PLB1: variants seen among roughly 807,000 people sequenced by gnomAD.
PLB1 encodes the protein phospholipase B1, membrane-associated.
Under a neutral mutation model 227.4 loss-of-function variants are expected in PLB1, and 242 were observed. The observed-to-expected ratio is 1.06, with a 90% confidence interval of 0.96 to 1.18. The LOEUF (loss-of-function observed/expected upper bound fraction) is 1.18, where lower values mean the gene tolerates loss of function less well. Ranked by LOEUF, PLB1 falls within the 50% of genes most tolerant of loss-of-function variation. PLB1 has a pLI of 0.00. For missense variants in PLB1, 1,858 were observed against 1,816.3 expected, an observed-to-expected ratio of 1.02 and a Z score of -0.42; for synonymous variants, 757 against 682.2, an observed-to-expected ratio of 1.11 and a Z score of -1.71.
At chr2:28,564,051 G>A (rs1378702533) in intron 18 of PLB1, among the ~76,000 whole-genome samples, 1 of 152,004 alleles carries the variant, frequency 6.6e-6, no homozygotes, top group Non-Finnish European at 1.5e-5. Flanking sequence ...GTGAGCCTGG[G>A]CAATGTAGCA....
rs1354189200 is a variant in PLB1 at position 28,532,351 on chromosome 2, T to C, written c.555+157T>C. Among the ~76,000 whole-genome samples the C allele has an allele frequency of 4.6e-5, 7 of 152,288 alleles. No individual in the cohort carries two copies. In the South Asian group the frequency reaches 8.3e-4, roughly 18 times the overall value. Reference sequence around the variant, plus strand: ...ATGGATGGATGGATGGATGGATAGATGGATGGATGGGCAGACAGACAGACA... The same window carrying C: ...ATGGATGGATGGATGGATGGATAGACGGATGGATGGGCAGACAGACAGACA... On this transcript the variant is annotated intron_variant, in intron 9 of 57. Transcript: ENST00000327757.
At chr2:28,634,267 G>A (rs577576229) in intron 56 of PLB1, among the ~76,000 whole-genome samples, 34 of 152,178 alleles carry the variant, frequency 2.2e-4, no homozygotes, top group Non-Finnish European at 5.0e-4. Flanking sequence ...TTTGCCCCAC[G>A]ATTTTTAAAT....
rs559865909 is a variant in PLB1 at position 28,582,648 on chromosome 2, A to G, written c.1733+143A>G. 6.4e-4 allele frequency: 424 copies of G among 667,316 alleles called. 5 individuals are homozygous for G. The Admixed American group carries it at 9.5e-3, about 15-fold the overall frequency. 41.3% of individuals were successfully genotyped at this position (667,316 alleles called of 1,614,324 possible). Reference sequence around the variant, plus strand: ...CCATCTTCTAACCTGGAAAAGCCTAAGGGGAGGATATCCTAGGATTTTTCC... The same window carrying G: ...CCATCTTCTAACCTGGAAAAGCCTAGGGGGAGGATATCCTAGGATTTTTCC... On this transcript the variant is annotated intron_variant, in intron 25 of 57. Coordinates refer to ENST00000327757, the MANE Select transcript of PLB1 (RefSeq NM_153021.5).
rs755039581 is a variant in PLB1 at position 28,540,418 on chromosome 2, G to T, written c.751G>T (p.Val251Leu). The change falls in exon 12 of 58, where the codon GTG becomes TTG. Residue 251 changes from valine to leucine, a missense_variant. By Grantham distance (32) the Val-to-Leu change is conservative (BLOSUM62 1). Transcript: ENST00000327757. Reference sequence around the variant, plus strand: ...AGAGGAGACCACCCGGCTGGCCAAGGTGGTGATGCAGTGGTCTTATCAGGT... The same window carrying T: ...AGAGGAGACCACCCGGCTGGCCAAGTTGGTGATGCAGTGGTCTTATCAGGT... ...CSEETTRLAK[V>L]VMQWSYQEAW... 1.2e-6 allele frequency: 2 copies of T among 1,614,064 alleles called. No individual in the cohort carries two copies. The highest frequency in any genetic ancestry group is 1.1e-5 in the South Asian group (1 of 91,070).
intron 14 of PLB1, among the ~76,000 whole-genome samples, chr2:28,543,965 G>A (rs960320834): frequency 7.2e-5 from 11 of 152,238 alleles, no homozygotes; most frequent in African/African-American, 2.4e-4. Context: ...TTTTCAGGGC[G>A]TCAGACAGAG....
At chr2:28,550,993 C>A (rs564248144) in intron 16 of PLB1, among the ~76,000 whole-genome samples, 11 of 152,312 alleles carry the variant, frequency 7.2e-5, no homozygotes, top group Non-Finnish European at 1.5e-4. Flanking sequence ...AGGTCTCCCC[C>A]ACAGTTCATC....
intron 17 of PLB1, among the ~76,000 whole-genome samples, chr2:28,556,057 C>G (rs1020145174): frequency 4.6e-5 from 7 of 151,902 alleles, no homozygotes; most frequent in African/African-American, 1.7e-4. Context: ...CAGACAAGGT[C>G]TCACTATGTT....
At chr2:28,627,544 T>C (rs1189666506) in intron 51 of PLB1, among the ~76,000 whole-genome samples, 1 of 152,202 alleles carries the variant, frequency 6.6e-6, no homozygotes, top group African/African-American at 2.4e-5. Flanking sequence ...AGGCAGAAAC[T>C]CTGGGAGACA....
At chr2:28,601,436 C>A (rs1106882) in intron 37 of PLB1, 104 bp downstream of exon 37, 23 of 828,948 alleles carry the variant, frequency 2.8e-5, no homozygotes, top group Non-Finnish European at 4.5e-5. Flanking sequence ...CTAGGATTAT[C>A]CACCTACACC....
At chr2:28,527,155 G>A (rs1314896912) in intron 6 of PLB1, among the ~76,000 whole-genome samples, 10 of 152,192 alleles carry the variant, frequency 6.6e-5, no homozygotes. Context: ...CACAAATGCA[G>A]ATGCCTCTTT....
intron 32 of PLB1, among the ~76,000 whole-genome samples, chr2:28,593,033 G>A (rs1289556529): frequency 3.9e-5 from 6 of 152,070 alleles, no homozygotes; most frequent in Admixed American, 6.6e-5. Flanking sequence ...CTGTGCGGGC[G>A]CTCTTTTTCC....
At chr2:28,569,645 A>C (rs1374432657) in intron 20 of PLB1, among the ~76,000 whole-genome samples, 1 of 152,142 alleles carries the variant, frequency 6.6e-6, no homozygotes, top group Non-Finnish European at 1.5e-5. Context: ...GAAAGGCACA[A>C]ACTACTGAAA....
In PLB1 at chr2:28,591,780, G is replaced by A. The variant is rs1230148822; in HGVS notation, c.2188+20G>A. ...CCTCAGGTAAGCCCCCTATGGCACA[G>A]CAGGACCCAGGGCCCCTCCACAGGG... On this transcript the variant is annotated intron_variant, in intron 31 of 57. Coordinates refer to ENST00000327757, the MANE Select transcript of PLB1 (RefSeq NM_153021.5). The A allele has an allele frequency of 1.9e-6, 3 of 1,612,694 alleles. No homozygotes were observed. The South Asian group carries it at 3.3e-5, about 18-fold the overall frequency.
chr2:28,519,559 G>A (rs1194143105), intron 3 of PLB1, 146 bp from the exon 4 acceptor site: 5 of 618,302 alleles, frequency 8.1e-6, no homozygotes, highest in Non-Finnish European at 1.4e-5. Flanking sequence ...CTGGTCTTTG[G>A]CATTCCACTT....
intron 20 of PLB1, among the ~76,000 whole-genome samples, chr2:28,572,970 C>A (rs1389657522): frequency 6.6e-6 from 1 of 152,130 alleles, no homozygotes; most frequent in African/African-American, 2.4e-5. Context: ...AAGCCTGTAA[C>A]CCAGACTCAC....
At chr2:28,615,552 G>A (rs141197181) in intron 44 of PLB1, among the ~76,000 whole-genome samples, 22 of 152,330 alleles carry the variant, frequency 1.4e-4, no homozygotes, top group Non-Finnish European at 2.2e-4. Context: ...CAGATTGCTG[G>A]CTGCGGGTTA....
At position 28,635,718 on chromosome 2, in the gene PLB1, C is replaced by T. The variant is rs2338547; in HGVS notation, c.4098+2679C>T. Among the ~76,000 whole-genome samples the T allele has an allele frequency of 2.9e-3, 441 of 152,356 alleles. 3 individuals carry two copies. Among genetic ancestry groups the T allele is most frequent in the African/African-American group, 1.0e-2 (414 of 41,580 alleles). ...ACTTTTGCAAAGGCAAAGCCAGAAG[C>T]TCCAGCAGCACCAGGGGATATTTTC... On this transcript the variant is annotated intron_variant, in intron 56 of 57. Coordinates refer to ENST00000327757, the MANE Select transcript of PLB1 (RefSeq NM_153021.5).
chr2:28,602,790 GC>G, intron 38 of PLB1, 30 bp from the exon 39 acceptor site: 2 of 1,591,842 alleles, frequency 1.3e-6, no homozygotes, highest in Non-Finnish European at 1.7e-6. Flanking sequence ...AGTGCCTGGA[GC>G]CCCCCTCTCA....
Position 28,548,741 on chromosome 2 carries a change from T to A in PLB1, c.937-119T>A, listed in dbSNP as rs1306445017. The A allele has an allele frequency of 4.3e-6, 4 of 919,934 alleles. No homozygotes were observed. In the Admixed American group the frequency reaches 6.1e-5, roughly 14 times the overall value. The allele number at this position is 919,934 out of a possible 1,614,324, so 57.0% of individuals were successfully genotyped here. A position where few individuals can be genotyped will look rare whatever the true frequency, so the allele number is the denominator to read the frequency against. On this transcript the variant is annotated intron_variant, in intron 14 of 57. Transcript: ENST00000327757. ...AGTTTGGGGATGGGGGCTGGACACG[T>A]GCATTTCTAATGCGTTCCCTGGTAC...
Sources: gnomAD v4.1 joint callset for allele counts (sites outside exome capture counted in the v4.1 genomes callset) on GRCh38, gnomAD v4.1.1 for gene constraint, MANE v1.5 for transcripts, NCBI Gene and HGNC (gene_info 2026-07-23, HGNC 2026-07-21) for gene names.